Variants in SVOP observed in about 807,000 individuals in gnomAD.
SVOP encodes synaptic vesicle 2-related protein.
In SVOP, 17 loss-of-function variants were observed where a neutral mutation model predicts 69.1. That is an observed-to-expected ratio of 0.25 (90% CI 0.17 to 0.37). SVOP has a LOEUF of 0.37. Ranked by LOEUF, SVOP falls within the 10% of genes least tolerant of loss-of-function variation. SVOP has a pLI of 1.00. For missense variants in SVOP, 435 were observed against 597.5 expected, an observed-to-expected ratio of 0.73 and a Z score of 2.84; for synonymous variants, 238 against 238.6, an observed-to-expected ratio of 1.00 and a Z score of 0.02.
chr12:109,020,753 T>TACC (rs2040392172), intron 1 of SVOP, 81 bp downstream of exon 1: 10 of 317,894 alleles, frequency 3.1e-5, no homozygotes, highest in East Asian at 9.2e-5. Flanking sequence ...TGCAGAGATG[T>TACC]ACCCCCCCCC....
At chr12:108,918,843 A>T (rs2137388111) in intron 13 of SVOP, among the ~76,000 whole-genome samples, 1 of 152,308 alleles carries the variant, frequency 6.6e-6, no homozygotes, top group East Asian at 1.9e-4. Context: ...ATATGGCATC[A>T]TTAGAGCAAA....
At chr12:108,997,300 G>C (rs1230409951) in intron 1 of SVOP, among the ~76,000 whole-genome samples, 1 of 151,674 alleles carries the variant, frequency 6.6e-6, no homozygotes, top group Non-Finnish European at 1.5e-5. Context: ...CACCTGGCTC[G>C]GAGGGTCCTA....
At chr12:108,997,203 C>T (rs541705793) in intron 1 of SVOP, among the ~76,000 whole-genome samples, 6 of 151,954 alleles carry the variant, frequency 3.9e-5, no homozygotes, top group South Asian at 2.1e-4. Flanking sequence ...GGGTGACGGA[C>T]GCACCTGGAA....
intron 11 of SVOP, among the ~76,000 whole-genome samples, chr12:108,933,843 C>A (rs1160258177): frequency 2.6e-5 from 4 of 152,170 alleles, no homozygotes; most frequent in African/African-American, 9.7e-5. Flanking sequence ...AACAACCCAC[C>A]TGCTTTTTGT....
At chr12:108,914,889 T>C (rs1457052211) in intron 15 of SVOP, among the ~76,000 whole-genome samples, 3 of 151,290 alleles carry the variant, frequency 2.0e-5, no homozygotes, top group African/African-American at 7.3e-5. Context: ...AAAAAAAATT[T>C]TTTTGGCCAG....
At chr12:109,008,073 C>G (rs952528503) in intron 1 of SVOP, among the ~76,000 whole-genome samples, 1 of 151,086 alleles carries the variant, frequency 6.6e-6, no homozygotes, top group Non-Finnish European at 1.5e-5. Flanking sequence ...GACAACTAAG[C>G]TGAGGCTGGA....
chr12:108,978,240 G>A (rs1028806587), intron 3 of SVOP, among the ~76,000 whole-genome samples: 1 of 152,182 alleles, frequency 6.6e-6, no homozygotes, highest in Admixed American at 6.5e-5. Flanking sequence ...GAGTCTTGAA[G>A]CAGAAGGCAC....
chr12:108,949,900 G>A (rs1047208493), intron 6 of SVOP, among the ~76,000 whole-genome samples: 3 of 152,092 alleles, frequency 2.0e-5, no homozygotes, highest in Non-Finnish European at 4.4e-5. Flanking sequence ...TAAACTTCCC[G>A]GGAGTAGCCC....
intron 2 of SVOP, among the ~76,000 whole-genome samples, chr12:108,979,132 T>C (rs1360228662): frequency 6.6e-6 from 1 of 152,242 alleles, no homozygotes; most frequent in African/African-American, 2.4e-5. Context: ...CTTTGAATTA[T>C]GGTTTAATTT....
intron 5 of SVOP, among the ~76,000 whole-genome samples, chr12:108,968,744 T>TG (rs2040060918): frequency 6.7e-6 from 1 of 149,660 alleles, no homozygotes; most frequent in Non-Finnish European, 1.5e-5. Flanking sequence ...TGTTTGTCTT[T>TG]TGTGTGTGTG....
intron 6 of SVOP, among the ~76,000 whole-genome samples, chr12:108,960,340 A>G (rs1298701581): frequency 1.3e-5 from 2 of 152,194 alleles, no homozygotes; most frequent in Non-Finnish European, 2.9e-5. Context: ...ACAAATAGGA[A>G]GTCCTCCTCG....
chr12:108,962,787 A>G (rs1046744236), intron 5 of SVOP, among the ~76,000 whole-genome samples: 2 of 152,100 alleles, frequency 1.3e-5, no homozygotes, highest in African/African-American at 4.8e-5. Context: ...CAACATGGTG[A>G]AGCCCTGTCT....
At chr12:108,980,015 T>C (rs1176003548) in intron 2 of SVOP, among the ~76,000 whole-genome samples, 5 of 152,064 alleles carry the variant, frequency 3.3e-5, no homozygotes, top group African/African-American at 1.2e-4. Context: ...CTACTAAAAA[T>C]ATTTTTAAAA....
At chr12:108,970,184 T>C (rs2040070243) in intron 5 of SVOP, among the ~76,000 whole-genome samples, 1 of 152,202 alleles carries the variant, frequency 6.6e-6, no homozygotes, top group Admixed American at 6.5e-5. Context: ...GGAACGTTCA[T>C]TCATTCATTG....
chr12:108,925,605 A>C (rs2039775635), intron 11 of SVOP, among the ~76,000 whole-genome samples: 1 of 152,126 alleles, frequency 6.6e-6, no homozygotes. Flanking sequence ...GTCCTTCAAA[A>C]ATCTTTAAGG....
chr12:109,004,926 C>A (rs964434225), intron 1 of SVOP, among the ~76,000 whole-genome samples: 13 of 151,822 alleles, frequency 8.6e-5, no homozygotes, highest in African/African-American at 2.9e-4. Flanking sequence ...TTAGTAGAGA[C>A]GAGGTTTCAC....
At chr12:108,934,120 G>T in intron 11 of SVOP, 75 bp downstream of exon 11, 1 of 1,284,264 alleles carries the variant, frequency 7.8e-7, no homozygotes. Flanking sequence ...AGCCTGGGGT[G>T]GGAGTGTGTG....
chr12:108,943,628 T>C (rs1593185547), intron 7 of SVOP, among the ~76,000 whole-genome samples: 1 of 150,340 alleles, frequency 6.7e-6, no homozygotes, highest in Admixed American at 6.6e-5. Context: ...TGGACACCAG[T>C]TATACAGGCC....
At chr12:108,956,890 C>T (rs1233601722) in intron 6 of SVOP, among the ~76,000 whole-genome samples, 1 of 152,202 alleles carries the variant, frequency 6.6e-6, no homozygotes, top group Non-Finnish European at 1.5e-5. Context: ...AAGGTGTCAG[C>T]TTGGAGACGA....
Sources: gnomAD v4.1 joint callset for allele counts (sites outside exome capture counted in the v4.1 genomes callset) on GRCh38, gnomAD v4.1.1 for gene constraint, MANE v1.5 for transcripts, NCBI Gene and HGNC (gene_info 2026-07-23, HGNC 2026-07-21) for gene names.